The following MCF2L variants were observed in gnomAD, a reference collection of about 807,000 sequenced individuals.
MCF2L encodes the protein MCF.2 cell line derived transforming sequence like.
A neutral mutation model predicts 153.4 loss-of-function variants in MCF2L; 97 were observed. That is an observed-to-expected ratio of 0.63 (90% CI 0.54 to 0.75). The LOEUF (loss-of-function observed/expected upper bound fraction) is 0.75. Ranked by LOEUF, MCF2L falls within the 30% of genes least tolerant of loss-of-function variation. The pLI, the probability that MCF2L is intolerant of heterozygous loss-of-function variation, is 0.00. For missense variants in MCF2L, 1,347 were observed against 1,495.2 expected (o/e 0.90, Z 1.64); for synonymous variants, 659 against 632.2 (o/e 1.04, Z -0.64).
At chr13:113,019,568 C>G (rs563147048) in intron 2 of MCF2L, among the ~76,000 whole-genome samples, 1 of 152,216 alleles carries the variant, frequency 6.6e-6, no homozygotes, top group Non-Finnish European at 1.5e-5. Context: ...ACAGGAATCC[C>G]GTTAGGTTTG....
At chr13:113,008,859 T>C (rs976261348) in intron 1 of MCF2L, 4 of 152,250 alleles carry the variant, frequency 2.6e-5, no homozygotes, top group Non-Finnish European at 2.9e-5. Flanking sequence ...CACCCATGTG[T>C]GCTGAGGACA....
Position 113,028,458 on chromosome 13 carries a change from T to A in MCF2L, c.278+3700T>A, listed in dbSNP as rs938903007. On this transcript the variant is annotated intron_variant, in intron 3 of 29. Coordinates refer to ENST00000535094, the MANE Select transcript of MCF2L (RefSeq NM_001112732.3). This position sits in a 1 kb window ranked among gnomAD's most constrained non-coding sequence, Gnocchi z 5.4. Reference sequence around the variant, plus strand: ...GGAATCTCAGATGGGTCCAGACTCCTGCAGGACAAGACCCACTCAGCCACC... The same window carrying A: ...GGAATCTCAGATGGGTCCAGACTCCAGCAGGACAAGACCCACTCAGCCACC... Among the ~76,000 whole-genome samples the A allele has an allele frequency of 2.0e-5, 3 of 152,242 alleles. No individual in the cohort carries two copies. The highest frequency in any genetic ancestry group is 2.9e-5 in the Non-Finnish European group (2 of 68,046).
At chr13:113,086,057 G>C in intron 20 of MCF2L, 67 bp from the exon 21 acceptor site, 1 of 1,527,004 alleles carries the variant, frequency 6.5e-7, no homozygotes, top group Non-Finnish European at 8.8e-7. Flanking sequence ...AGCTCCTGAG[G>C]GGTCTGTTCC....
intron 3 of MCF2L, among the ~76,000 whole-genome samples, chr13:113,038,600 C>T (rs967731694): frequency 1.3e-5 from 2 of 152,098 alleles, no homozygotes; most frequent in Non-Finnish European, 2.9e-5. Flanking sequence ...GAATGCAGTT[C>T]CCAAATAAAA....
At chr13:113,015,992 C>A (rs752675827) in intron 2 of MCF2L, among the ~76,000 whole-genome samples, 4 of 152,176 alleles carry the variant, frequency 2.6e-5, no homozygotes, top group Non-Finnish European at 5.9e-5. Context: ...AGCTTTGCCA[C>A]CAGGAGGGCC....
rs1432345548 is a variant in MCF2L at position 113,084,699 on chromosome 13, G to T, written c.2062-193G>T. On this transcript the variant is annotated intron_variant, in intron 18 of 29. Transcript: ENST00000535094. ...AGGGAGCCCCATTAATGGAGGGCAGGCCCCCCAGCGGAGCCTGGGAGCCAG... is the reference window on the plus strand; with the variant it reads ...AGGGAGCCCCATTAATGGAGGGCAGTCCCCCCAGCGGAGCCTGGGAGCCAG... 11 of 595,680 alleles carry T rather than the reference G, an allele frequency of 1.8e-5. No individual in the cohort carries two copies. The East Asian group carries it at 2.2e-4, about 12-fold the overall frequency. The allele number at this position is 595,680 out of a possible 1,614,324, so 36.9% of individuals were successfully genotyped here.
chr13:112,981,297 A>G (rs1015581363), intron 1 of MCF2L, among the ~76,000 whole-genome samples: 2 of 152,156 alleles, frequency 1.3e-5, no homozygotes, highest in African/African-American at 4.8e-5. Flanking sequence ...TGGGAGCAGG[A>G]GAATGCAGGA....
intron 4 of MCF2L, among the ~76,000 whole-genome samples, chr13:113,051,205 G>A (rs913972634): frequency 5.4e-4 from 82 of 152,276 alleles, no homozygotes; most frequent in African/African-American, 1.9e-3. Flanking sequence ...CGCACCCTGC[G>A]CGTTCACCAA....
intron 2 of MCF2L, among the ~76,000 whole-genome samples, chr13:113,021,274 A>G (rs1031536174): frequency 7.9e-5 from 12 of 152,080 alleles, no homozygotes; most frequent in African/African-American, 2.9e-4. Flanking sequence ...GTATGTGTGT[A>G]TAGGTAGCTG....
chr13:113,038,541 C>A (rs1319832667), intron 3 of MCF2L, among the ~76,000 whole-genome samples: 1 of 150,960 alleles, frequency 6.6e-6, no homozygotes, highest in African/African-American at 2.4e-5. Flanking sequence ...GATTAGAAGA[C>A]AATTAGTATT....
intron 1 of MCF2L, among the ~76,000 whole-genome samples, chr13:112,997,818 A>G (rs2083202336): frequency 6.6e-6 from 1 of 152,192 alleles, no homozygotes; most frequent in African/African-American, 2.4e-5. Flanking sequence ...AGGTGCAGGG[A>G]CCAGCGTGGT....
chr13:112,967,190 G>A (rs1243458372), upstream of MCF2L, among the ~76,000 whole-genome samples: 115 of 149,430 alleles, frequency 7.7e-4, no homozygotes, highest in African/African-American at 2.6e-3. Context: ...GTGGGGGGGC[G>A]GTGGGGGATG....
intron 5 of MCF2L, among the ~76,000 whole-genome samples, chr13:113,061,660 G>A (rs1342984597): frequency 6.7e-6 from 1 of 148,352 alleles, no homozygotes; most frequent in Non-Finnish European, 1.5e-5. Context: ...AACGGCCTGG[G>A]GCCTTTCCCC....
At chr13:113,081,343 T>C (rs1421725981) in intron 16 of MCF2L, 64 bp downstream of exon 16, 2 of 1,462,172 alleles carry the variant, frequency 1.4e-6, no homozygotes, top group African/African-American at 2.8e-5. Flanking sequence ...TGGTGGGGCT[T>C]CCTCTGACAA....
intron 3 of MCF2L, among the ~76,000 whole-genome samples, chr13:113,029,702 C>G (rs1483324996): frequency 6.6e-6 from 1 of 152,200 alleles, no homozygotes; most frequent in Non-Finnish European, 1.5e-5. Flanking sequence ...GGCTCGGTCC[C>G]GGGACATCCC....
chr13:113,075,975 T>C lies in MCF2L; in HGVS notation c.1318T>C (p.Trp440Arg). The C allele has an allele frequency of 8.1e-6, 13 of 1,606,028 alleles. No homozygotes were observed. The highest frequency in any genetic ancestry group is 1.1e-5 in the Non-Finnish European group (13 of 1,176,206). ...TGCTCTGTGTTTCCAGTCCATGAAG[T>C]GGTGTGATGAAGGGATTTACCTGCT... ...LHRRLETSMK[W>R]CDEGIYLLAS... The change falls in exon 12 of 30, where the codon TGG becomes CGG. Residue 440 changes from tryptophan to arginine, a missense_variant. Coordinates refer to ENST00000535094, the MANE Select transcript of MCF2L (RefSeq NM_001112732.3).
chr13:112,897,132 G>A (rs557151495), intron 1 of MCF2L, among the ~76,000 whole-genome samples: 6 of 152,284 alleles, frequency 3.9e-5, no homozygotes, highest in Admixed American at 3.9e-4. Context: ...CAGGGGCCTT[G>A]GTGGCCTCTG....
intron 17 of MCF2L, among the ~76,000 whole-genome samples, chr13:113,083,038 G>A (rs1163891511): frequency 2.6e-5 from 4 of 152,196 alleles, no homozygotes; most frequent in African/African-American, 7.2e-5. Context: ...TCCCCCGAGC[G>A]ACCCGTGGCC....
chr13:112,956,668 A>AGCT (rs1041704410), intron 2 of MCF2L: 1 of 152,240 alleles, frequency 6.6e-6, no homozygotes, highest in Non-Finnish European at 1.5e-5. Flanking sequence ...TGTGTGGAGC[A>AGCT]GCTGCTGCTG....
Sources: gnomAD v4.1 joint callset for allele counts (sites outside exome capture counted in the v4.1 genomes callset) on GRCh38, gnomAD v4.1.1 for gene constraint, Gnocchi (gnomAD v3.1) non-coding constraint, MANE v1.5 for transcripts, NCBI Gene and HGNC (gene_info 2026-07-23, HGNC 2026-07-21) for gene names.